LYG2: variants seen among roughly 807,000 people sequenced by gnomAD.
LYG2 encodes lysozyme g2.
In LYG2, 25 loss-of-function variants were observed where a neutral mutation model predicts 22.4. The observed-to-expected ratio is 1.12, with a 90% CI of 0.81 to 1.56. LYG2 has a LOEUF of 1.56. Ranked by LOEUF, LYG2 falls within the 40% of genes most tolerant of loss-of-function variation. The pLI, the probability that LYG2 is intolerant of heterozygous loss-of-function variation, is 0.00. For synonymous variants in LYG2, 88 were observed against 97.0 expected (o/e 0.91, Z 0.55); for missense variants, 266 against 269.5 (o/e 0.99, Z 0.09).
upstream of LYG2, among the ~76,000 whole-genome samples, chr2:99,258,931 G>C (rs978828506): frequency 3.3e-5 from 5 of 152,076 alleles, no homozygotes; most frequent in Non-Finnish European, 5.9e-5. Flanking sequence ...TATACAAATG[G>C]CCAATAAAGC....
At chr2:99,245,874 G>A (rs1339981071) in intron 4 of LYG2, among the ~76,000 whole-genome samples, 1 of 152,052 alleles carries the variant, frequency 6.6e-6, no homozygotes, top group African/African-American at 2.4e-5. Flanking sequence ...TTGGGAGGCC[G>A]AGGTGGACAG....
chr2:99,255,983 C>T (rs1384797654), upstream of LYG2, among the ~76,000 whole-genome samples: 1 of 152,176 alleles, frequency 6.6e-6, no homozygotes, highest in African/African-American at 2.4e-5. Flanking sequence ...ACAGGCAAAG[C>T]ACATTGCGCT....
Position 99,245,285 on chromosome 2 carries a change from C to A in LYG2, c.358G>T (p.Gly120Ter). ...SVLQDGWDHR[G>*]LKFGLMQLDK... ...ACCTGCATCAAGCCAAATTTAAGTC[C>A]CCTGTGGTCCCAGCCGTCTTGCAGG... Residue 120 changes from glycine (G) to a stop codon, truncating the protein, a stop_gained, in exon 5 of 7, where the codon GGA becomes TGA. Coordinates refer to ENST00000333017, the MANE Select transcript of LYG2 (RefSeq NM_175735.4). LOFTEE classifies it high-confidence loss of function. The A allele has an allele frequency of 6.2e-7, 1 of 1,606,268 alleles. No homozygotes were observed. The highest frequency in any genetic ancestry group is 8.5e-7 in the Non-Finnish European group (1 of 1,176,120).
chr2:99,253,054 A>G (rs926621930), intron 3 of LYG2, among the ~76,000 whole-genome samples: 1 of 150,948 alleles, frequency 6.6e-6, no homozygotes, highest in African/African-American at 2.4e-5. Flanking sequence ...GTCTCAAAAA[A>G]AAAAAAAAAA....
intron 3 of LYG2, among the ~76,000 whole-genome samples, chr2:99,247,188 G>C (rs1327393138): frequency 3.3e-5 from 5 of 152,056 alleles, no homozygotes; most frequent in African/African-American, 1.2e-4. Context: ...CAACACCTGG[G>C]CTCAAACTAT....
chr2:99,250,430 A>G (rs1409995830), intron 3 of LYG2, among the ~76,000 whole-genome samples: 1 of 144,804 alleles, frequency 6.9e-6, no homozygotes, highest in Admixed American at 7.2e-5. Flanking sequence ...GCTGCAGTAC[A>G]GTGGTGCGAT....
intron 3 of LYG2, among the ~76,000 whole-genome samples, chr2:99,250,622 C>T (rs2094024857): frequency 2.0e-5 from 3 of 152,324 alleles, no homozygotes; most frequent in East Asian, 1.9e-4. Context: ...GATCCGCCCA[C>T]CTTGGCCTCC....
chr2:99,252,994 C>T (rs558429502), intron 3 of LYG2, among the ~76,000 whole-genome samples: 77 of 139,918 alleles, frequency 5.5e-4, no homozygotes, highest in South Asian at 3.9e-3. Context: ...TTGCAGTGAG[C>T]TGAGATCGCA....
intron 3 of LYG2, among the ~76,000 whole-genome samples, chr2:99,251,861 G>A (rs2094027233): frequency 6.7e-6 from 1 of 149,506 alleles, no homozygotes; most frequent in East Asian, 2.0e-4. Flanking sequence ...TTTTCCAGAT[G>A]GAGTCTCACT....
intron 2 of LYG2, among the ~76,000 whole-genome samples, chr2:99,254,517 C>T (rs1246712530): frequency 6.6e-6 from 1 of 152,038 alleles, no homozygotes; most frequent in Non-Finnish European, 1.5e-5. Context: ...ATGAGTCATG[C>T]GTATCTTACA....
intron 4 of LYG2, among the ~76,000 whole-genome samples, chr2:99,245,873 C>T (rs1233820006): frequency 3.3e-5 from 5 of 151,992 alleles, no homozygotes; most frequent in South Asian, 2.1e-4. Flanking sequence ...TTTGGGAGGC[C>T]GAGGTGGACA....
chr2:99,249,761 C>CAAA (rs70940156), intron 3 of LYG2, among the ~76,000 whole-genome samples: 21 of 65,308 alleles, frequency 3.2e-4, no homozygotes, highest in East Asian at 5.3e-4. Flanking sequence ...AACTCTGTCT[C>CAAA]AAAAAAAAAA....
At chr2:99,243,693 C>CTGTT in intron 6 of LYG2, 1 of 156,548 alleles carries the variant, frequency 6.4e-6, no homozygotes, top group Non-Finnish European at 1.1e-5. Context: ...CCATGCCCAG[C>CTGTT]TTTTTTTTTT....
intron 6 of LYG2, chr2:99,243,449 C>A: frequency 6.5e-7 from 1 of 1,549,698 alleles, no homozygotes; most frequent in Non-Finnish European, 8.7e-7. Flanking sequence ...AAGTTGTTGA[C>A]AGTTTCTTAT....
At chr2:99,261,505 T>C in the LYG2 span, among the ~76,000 whole-genome samples, 1 of 152,160 alleles carries the variant, frequency 6.6e-6, no homozygotes, top group African/African-American at 2.4e-5. Flanking sequence ...TGGAATCCCC[T>C]GTGGACCTCT....
intron 6 of LYG2, 64 bp downstream of exon 6, chr2:99,243,935 C>A: frequency 6.3e-7 from 1 of 1,595,192 alleles, no homozygotes; most frequent in Non-Finnish European, 8.6e-7. Flanking sequence ...AGTCTCGGGT[C>A]ACACTGGCCT....
chr2:99,242,501 A>G lies in LYG2; in HGVS notation c.521-19T>C, dbSNP rs758444622. ...AGACCACCTGAAATGAAACACAGAG[A>G]ATTAGGCTCAAATATTAACTTTCAA... is the stretch of plus-strand genomic sequence containing the variant. On this transcript the variant is annotated intron_variant, in intron 6 of 6. Coordinates refer to ENST00000333017, the MANE Select transcript of LYG2 (RefSeq NM_175735.4). 139 of 1,482,504 alleles carry G rather than the reference A, an allele frequency of 9.4e-5. 2 individuals carry two copies. In the East Asian group the frequency reaches 3.0e-3, roughly 32 times the overall value. 91.8% of individuals were successfully genotyped at this position (1,482,504 alleles called of 1,614,324 possible).
At chr2:99,254,383 C>T (rs1574866276) in intron 2 of LYG2, 98 bp from the exon 3 acceptor site, 1 of 831,294 alleles carries the variant, frequency 1.2e-6, no homozygotes, top group East Asian at 2.6e-5. Context: ...GAGTTATTTC[C>T]AATTCACTAC....
intron 2 of LYG2, among the ~76,000 whole-genome samples, chr2:99,254,623 C>G (rs1240243998): frequency 6.6e-6 from 1 of 152,046 alleles, no homozygotes; most frequent in East Asian, 1.9e-4. Context: ...CTGATCTTTT[C>G]ATTCTAGTTA....
Sources: gnomAD v4.1 joint callset for allele counts (sites outside exome capture counted in the v4.1 genomes callset) on GRCh38, gnomAD v4.1.1 for gene constraint, MANE v1.5 for transcripts, NCBI Gene and HGNC (gene_info 2026-07-23, HGNC 2026-07-21) for gene names.